Variants in MAML3 observed in about 807,000 individuals in gnomAD.
MAML3 encodes the protein mastermind-like protein 3.
MAML3 carries 27 observed loss-of-function variants against 101.9 expected under a neutral mutation model. That is an observed-to-expected ratio of 0.27 (90% CI 0.20 to 0.37). MAML3 has a LOEUF of 0.37. Among genes scored for constraint, MAML3 ranks in the 10% least tolerant of loss-of-function variants. The pLI is 1.00. For missense variants in MAML3, 1,316 were observed against 1,444.9 expected (o/e 0.91, Z 1.45); for synonymous variants, 501 against 555.9 (o/e 0.90, Z 1.39).
chr4:139,863,711 T>G (rs1479339225), intron 2 of MAML3, among the ~76,000 whole-genome samples: 1 of 152,170 alleles, frequency 6.6e-6, no homozygotes, highest in African/African-American at 2.4e-5. Flanking sequence ...AAGTGGTGAT[T>G]GCTCAAACAC....
intron 1 of MAML3, among the ~76,000 whole-genome samples, chr4:139,975,791 G>T (rs938413843): frequency 1.3e-5 from 2 of 152,080 alleles, no homozygotes; most frequent in African/African-American, 4.8e-5. Flanking sequence ...ATGAAAACTT[G>T]GACTAAAGGA....
At position 140,153,347 on chromosome 4, in the gene MAML3, A is replaced by G; in HGVS notation, c.-20T>C. On this transcript the variant is annotated 5_prime_UTR_variant, in exon 1 of 5. Transcript: ENST00000509479. ...CCCCATCCTGCTCCCCGGGCACACT[A>G]TTTTGGAAGAACTTTTTTTATCCAC... 1.4e-5 allele frequency: 22 copies of G among 1,545,776 alleles called. No homozygotes were observed. Among genetic ancestry groups the G allele is most frequent in the Non-Finnish European group, 1.9e-5 (22 of 1,148,262 alleles).
At chr4:139,725,360 T>C (rs1227169538) in intron 4 of MAML3, among the ~76,000 whole-genome samples, 1 of 152,204 alleles carries the variant, frequency 6.6e-6, no homozygotes, top group Non-Finnish European at 1.5e-5. Flanking sequence ...TTTGCCCCTG[T>C]AGTCACTAAG....
intron 1 of MAML3, among the ~76,000 whole-genome samples, chr4:139,946,628 A>C (rs1379249212): frequency 6.6e-6 from 1 of 152,194 alleles, no homozygotes; most frequent in Non-Finnish European, 1.5e-5. Flanking sequence ...CCAGAAGAAT[A>C]ATTTGTGCAT....
chr4:139,863,538 C>T (rs1411990858), intron 2 of MAML3, among the ~76,000 whole-genome samples: 5 of 151,850 alleles, frequency 3.3e-5, no homozygotes, highest in African/African-American at 7.3e-5. Flanking sequence ...TTGGGAGAGA[C>T]GGGGTTTCTC....
intron 1 of MAML3, among the ~76,000 whole-genome samples, chr4:140,047,958 G>T (rs1727209022): frequency 6.6e-6 from 1 of 152,120 alleles, no homozygotes. Context: ...AAACATTCCA[G>T]TTCTCAACAT....
chr4:139,751,293 T>C (rs1437331641), intron 2 of MAML3, among the ~76,000 whole-genome samples: 4 of 152,180 alleles, frequency 2.6e-5, no homozygotes, highest in Non-Finnish European at 5.9e-5. Flanking sequence ...TCCAAAATAT[T>C]TGGGATCAGA....
At chr4:139,842,441 C>T (rs777588935) in intron 2 of MAML3, among the ~76,000 whole-genome samples, 2 of 152,162 alleles carry the variant, frequency 1.3e-5, no homozygotes, top group Admixed American at 6.5e-5. Flanking sequence ...AGAGAACTCA[C>T]GTTTACTGCA....
intron 1 of MAML3, among the ~76,000 whole-genome samples, chr4:140,015,731 A>T (rs1257595544): frequency 2.0e-5 from 3 of 152,348 alleles, no homozygotes; most frequent in Non-Finnish European, 4.4e-5. Context: ...AGGTGAGTGG[A>T]TCACTCGGGG....
intron 1 of MAML3, among the ~76,000 whole-genome samples, chr4:139,903,175 A>G (rs1023611349): frequency 2.0e-5 from 3 of 152,200 alleles, no homozygotes; most frequent in African/African-American, 7.2e-5. Context: ...ATTTTTAGAA[A>G]TGGCGTCTTG....
At chr4:140,149,584 G>A (rs912894892) in intron 1 of MAML3, among the ~76,000 whole-genome samples, 1 of 152,070 alleles carries the variant, frequency 6.6e-6, no homozygotes, top group African/African-American at 2.4e-5. Flanking sequence ...TTAGTACTTC[G>A]GACATATTGG....
intron 1 of MAML3, among the ~76,000 whole-genome samples, chr4:140,138,807 T>C (rs1728937952): frequency 6.6e-6 from 1 of 152,218 alleles, no homozygotes. Context: ...TATTATCACT[T>C]AGGCATCCTG....
chr4:140,134,646 T>C (rs550460692), intron 1 of MAML3: 133 of 266,816 alleles, frequency 5.0e-4, no homozygotes, highest in African/African-American at 2.8e-3. Context: ...TGTATTTTTT[T>C]CCAGTAGATT....
At chr4:139,828,239 A>G (rs1325832261) in intron 2 of MAML3, among the ~76,000 whole-genome samples, 1 of 152,242 alleles carries the variant, frequency 6.6e-6, no homozygotes, top group African/African-American at 2.4e-5. Context: ...GATGCTCCAC[A>G]TGGTCAGAAA....
intron 1 of MAML3, among the ~76,000 whole-genome samples, chr4:139,897,472 T>C (rs1732636233): frequency 6.6e-6 from 1 of 152,188 alleles, no homozygotes; most frequent in African/African-American, 2.4e-5. Flanking sequence ...ATATGCTTTC[T>C]CAGATTGTGC....
intron 1 of MAML3, among the ~76,000 whole-genome samples, chr4:140,150,970 C>A (rs909743355): frequency 6.6e-6 from 1 of 151,486 alleles, no homozygotes; most frequent in Non-Finnish European, 1.5e-5. Context: ...TCGGGGCAGG[C>A]TCAGCCGCAG....
intron 1 of MAML3, among the ~76,000 whole-genome samples, chr4:139,903,070 T>C (rs975144128): frequency 2.0e-5 from 3 of 152,232 alleles, no homozygotes; most frequent in Non-Finnish European, 2.9e-5. Flanking sequence ...CATGTGACCA[T>C]TGAATTTCCT....
intron 2 of MAML3, among the ~76,000 whole-genome samples, chr4:139,780,026 G>A (rs1490819461): frequency 6.6e-6 from 1 of 152,196 alleles, no homozygotes; most frequent in Non-Finnish European, 1.5e-5. Context: ...TGCCATTCCT[G>A]ACTTCCAGTT....
At chr4:139,763,712 A>C (rs1729800877) in intron 2 of MAML3, among the ~76,000 whole-genome samples, 1 of 152,348 alleles carries the variant, frequency 6.6e-6, no homozygotes, top group Admixed American at 6.5e-5. Flanking sequence ...TGCATCTTGC[A>C]GCTCAACAGG....
Sources: allele counts gnomAD v4.1 joint callset (sites outside exome capture counted in the v4.1 genomes callset), GRCh38; gene constraint gnomAD v4.1.1; transcripts MANE v1.5; gene names NCBI Gene and HGNC (gene_info 2026-07-23, HGNC 2026-07-21).